SLC24A3: variants seen among roughly 807,000 people sequenced by gnomAD.
SLC24A3 encodes solute carrier family 24 member 3, also known as sodium/potassium/calcium exchanger 3.
SLC24A3 carries 28 observed loss-of-function variants against 75.8 expected under a neutral mutation model. That is an observed-to-expected ratio of 0.37 (90% CI 0.27 to 0.51). The LOEUF is 0.51. Ranked by LOEUF, SLC24A3 falls within the 20% of genes least tolerant of loss-of-function variation. SLC24A3 has a pLI of 0.94. For missense variants in SLC24A3, 663 were observed against 847.8 expected (o/e 0.78, Z 2.71); for synonymous variants, 372 against 334.1 (o/e 1.11, Z -1.24).
chr20:19,280,506 C>T lies in SLC24A3; in HGVS notation c.143-453C>T, dbSNP rs144522366. 1.7e-3 allele frequency among the ~76,000 whole-genome samples: 256 copies of T among 152,240 alleles called. 1 individual carries two copies. Among genetic ancestry groups the T allele is most frequent in the Admixed American group, 2.9e-3 (45 of 15,294 alleles). Reference sequence around the variant, plus strand: ...TGGAGCTGATTGTGTCCATCTCTTCCGAATACCATTTTCAATGATGTCATG... The same window carrying T: ...TGGAGCTGATTGTGTCCATCTCTTCTGAATACCATTTTCAATGATGTCATG... On this transcript the variant is annotated intron_variant, in intron 1 of 16. Coordinates refer to ENST00000328041, the MANE Select transcript of SLC24A3 (RefSeq NM_020689.4).
intron 6 of SLC24A3, among the ~76,000 whole-genome samples, chr20:19,633,170 G>T (rs2031955075): frequency 6.6e-6 from 1 of 152,094 alleles, no homozygotes; most frequent in Non-Finnish European, 1.5e-5. Flanking sequence ...ACCACAAACT[G>T]GGTGGTTTAA....
rs571351277 is a variant in SLC24A3, at chr20:19,283,739, C to A, written c.271+2652C>A. On this transcript the variant is annotated intron_variant, in intron 2 of 16. Coordinates refer to ENST00000328041, the MANE Select transcript of SLC24A3 (RefSeq NM_020689.4). ...TGTGTGCTTCTCTAGAAGTTGACAT[C>A]ATCATTCTGATCTTTCATGATTGCT... Among the ~76,000 whole-genome samples, 12 of 152,332 alleles carry A rather than the reference C, an allele frequency of 7.9e-5. No homozygotes were observed. In the South Asian group the frequency reaches 2.5e-3, roughly 32 times the overall value.
At chr20:19,245,271 G>A (rs6136661) in intron 1 of SLC24A3, among the ~76,000 whole-genome samples, 11,097 of 152,052 alleles carry the variant, frequency 0.073, 1,917 homozygotes, top group East Asian at 0.72. Context: ...GTTCACACTG[G>A]TCATCAGTGC....
chr20:19,553,563 G>T (rs1002605901), intron 3 of SLC24A3, among the ~76,000 whole-genome samples: 2 of 152,160 alleles, frequency 1.3e-5, no homozygotes, highest in Admixed American at 6.5e-5. Flanking sequence ...TTCATATGAT[G>T]AAAGACCCAG....
At chr20:19,622,223 G>T (rs866963328) in intron 6 of SLC24A3, among the ~76,000 whole-genome samples, 1 of 152,242 alleles carries the variant, frequency 6.6e-6, no homozygotes, top group Non-Finnish European at 1.5e-5. Context: ...CTGGAGCTGG[G>T]TTCTAAGATG....
At position 19,238,949 on chromosome 20, in the gene SLC24A3, C is replaced by T. The variant is rs376904596; in HGVS notation, c.142+25965C>T. 2.9e-3 allele frequency among the ~76,000 whole-genome samples: 394 copies of T among 134,772 alleles called. 1 individual carries two copies. Among genetic ancestry groups the T allele is most frequent in the African/African-American group, 0.011 (373 of 33,726 alleles). 88.4% of individuals were successfully genotyped at this position (134,772 alleles called of 152,430 possible). On this transcript the variant is annotated intron_variant, in intron 1 of 16. Transcript: ENST00000328041. ...AGTTTTATTCCCATCCCTCACCCAG[C>T]ACACACATGGGCGCATGCACACACA...
At chr20:19,220,883 C>T (rs1009885265) in intron 1 of SLC24A3, among the ~76,000 whole-genome samples, 5 of 152,112 alleles carry the variant, frequency 3.3e-5, no homozygotes, top group African/African-American at 1.2e-4. Flanking sequence ...GAGCTAAGAA[C>T]CAAAGGGTTA....
intron 2 of SLC24A3, among the ~76,000 whole-genome samples, chr20:19,477,582 A>G (rs992840010): frequency 2.0e-5 from 3 of 152,224 alleles, no homozygotes; most frequent in Non-Finnish European, 4.4e-5. Flanking sequence ...TCCAGAGTTC[A>G]GCATCACAGA....
chr20:19,511,297 C>A (rs969201649), intron 2 of SLC24A3, among the ~76,000 whole-genome samples: 2 of 151,970 alleles, frequency 1.3e-5, no homozygotes, highest in African/African-American at 4.8e-5. Flanking sequence ...AGACTCACCT[C>A]TCACAGGGTA....
intron 3 of SLC24A3, among the ~76,000 whole-genome samples, chr20:19,532,308 G>A (rs3790250): frequency 0.59 from 89,672 of 151,656 alleles, 27,054 homozygotes; most frequent in Non-Finnish European, 0.66. Context: ...GGAAGGCCCC[G>A]CAGCCCTCCA....
intron 1 of SLC24A3, among the ~76,000 whole-genome samples, chr20:19,223,474 G>A (rs1276026857): frequency 1.3e-5 from 2 of 152,078 alleles, no homozygotes; most frequent in Non-Finnish European, 2.9e-5. Flanking sequence ...TATCCATGGA[G>A]GATATGTTTC....
At chr20:19,518,888 G>A (rs1019464734) in intron 3 of SLC24A3, among the ~76,000 whole-genome samples, 1 of 152,206 alleles carries the variant, frequency 6.6e-6, no homozygotes, top group Non-Finnish European at 1.5e-5. Context: ...AGGGCCCTAG[G>A]GAATATCCAG....
rs1260055707 is a variant in SLC24A3, at chr20:19,336,357, T to G, written c.271+55270T>G. The stretch of plus-strand genomic sequence containing the variant: ...AAAAGATTTACTACCTTGCCCTTTA[T>G]AGAAAAAGTTTTCTGACTCCTGCCC... On this transcript the variant is annotated intron_variant, in intron 2 of 16. Transcript: ENST00000328041. Among the ~76,000 whole-genome samples the G allele has an allele frequency of 2.6e-5, 4 of 152,212 alleles. No homozygotes were observed. In the South Asian group the frequency reaches 8.3e-4, roughly 32 times the overall value.
intron 2 of SLC24A3, among the ~76,000 whole-genome samples, chr20:19,384,434 C>T (rs1215076313): frequency 6.6e-6 from 1 of 152,170 alleles, no homozygotes; most frequent in African/African-American, 2.4e-5. Context: ...TTGGGTTTGT[C>T]TTTCTGAGCT....
chr20:19,349,313 G>A (rs776633684), intron 2 of SLC24A3, among the ~76,000 whole-genome samples: 63 of 152,282 alleles, frequency 4.1e-4, no homozygotes, highest in Non-Finnish European at 7.2e-4. Context: ...CACACTAGCT[G>A]AGTGTCCCCT....
chr20:19,453,591 C>T (rs3790213), intron 2 of SLC24A3, among the ~76,000 whole-genome samples: 21,496 of 152,184 alleles, frequency 0.14, 3,915 homozygotes, highest in African/African-American at 0.42. Flanking sequence ...AGAAGTGGGG[C>T]GGGAGTGGCC....
chr20:19,591,044 C>T (rs1407880367), intron 6 of SLC24A3, among the ~76,000 whole-genome samples: 2 of 152,058 alleles, frequency 1.3e-5, no homozygotes, highest in Admixed American at 6.6e-5. Context: ...CCCACCCCAA[C>T]CCCCTCAAGG....
Position 19,212,716 on chromosome 20 carries a change from C to A in SLC24A3, c.-127C>A. 2 of 732,136 alleles carry A rather than the reference C, an allele frequency of 2.7e-6. No individual in the cohort carries two copies. The highest frequency in any genetic ancestry group is 5.9e-5 in the South Asian group (1 of 17,090). The allele number at this position is 732,136 out of a possible 1,614,324, so 45.4% of individuals were successfully genotyped here. A position where few individuals can be genotyped will look rare whatever the true frequency, so the allele number is the denominator to read the frequency against. ...AGGAAGAGGAGGCGGAGGCGGCGGC[C>A]GGGTGGGAGCGCAGCGAGGACGCGC... On this transcript the variant is annotated 5_prime_UTR_variant, in exon 1 of 17. Transcript: ENST00000328041.
At chr20:19,346,993 A>C (rs1005556059) in intron 2 of SLC24A3, among the ~76,000 whole-genome samples, 6 of 152,224 alleles carry the variant, frequency 3.9e-5, no homozygotes, top group Admixed American at 3.9e-4. Flanking sequence ...AGATACATAA[A>C]TAAACTATGG....
Sources: allele counts gnomAD v4.1 joint callset (sites outside exome capture counted in the v4.1 genomes callset), GRCh38; gene constraint gnomAD v4.1.1; transcripts MANE v1.5; gene names NCBI Gene and HGNC (gene_info 2026-07-23, HGNC 2026-07-21).